UGT2B11: variants seen among roughly 807,000 people sequenced by gnomAD.
UGT2B11 encodes UDP-glucuronosyltransferase 2B11.
A neutral mutation model predicts 51.7 loss-of-function variants in UGT2B11; 49 were observed. That is an observed-to-expected ratio of 0.95 (90% CI 0.75 to 1.20). The LOEUF (loss-of-function observed/expected upper bound fraction) is 1.20. UGT2B11 is among the 50% of genes most tolerant of loss of function. The pLI is 0.00. For missense variants in UGT2B11, 810 were observed against 622.1 expected, an observed-to-expected ratio of 1.30 and a Z score of -3.21; for synonymous variants, 273 against 209.0, an observed-to-expected ratio of 1.31 and a Z score of -2.64.
In UGT2B11 at chr4:69,206,244, A is replaced by G. The variant is rs1314148992; in HGVS notation, c.1003-677T>C. 2.6e-5 allele frequency among the ~76,000 whole-genome samples: 4 copies of G among 151,784 alleles called. No individual in the cohort carries two copies. The East Asian group carries it at 7.8e-4, about 30-fold the overall frequency. On this transcript the variant is annotated intron_variant, in intron 3 of 5. Coordinates refer to ENST00000446444, the MANE Select transcript of UGT2B11 (RefSeq NM_001073.3). The stretch of plus-strand genomic sequence containing the variant: ...CAACCTAAATGACCATCAATTATGG[A>G]ATGAATAAAGAAAATATGGCATATA...
At chr4:69,204,818 AG>A (rs1560536897) in intron 4 of UGT2B11, among the ~76,000 whole-genome samples, 169 bp from the exon 5 acceptor site, 2 of 151,746 alleles carry the variant, frequency 1.3e-5, no homozygotes, top group East Asian at 3.9e-4. Context: ...TGTAACTGAA[AG>A]CTATGTGGTG....
intron 3 of UGT2B11, among the ~76,000 whole-genome samples, chr4:69,207,282 T>C (rs1359611672): frequency 6.6e-6 from 1 of 151,634 alleles, no homozygotes; most frequent in Non-Finnish European, 1.5e-5. Context: ...TCCAAAGCAA[T>C]CCTCACAAAC....
upstream of UGT2B11, chr4:69,214,861 G>C (rs1722216680): frequency 1.5e-6 from 2 of 1,350,990 alleles, no homozygotes; most frequent in Non-Finnish European, 2.0e-6. Flanking sequence ...TACATGGATG[G>C]CAAGGAGACA....
At chr4:69,214,941 A>G, upstream of UGT2B11, 1 of 709,834 alleles carries the variant, frequency 1.4e-6, no homozygotes, top group Non-Finnish European at 2.1e-6. Context: ...ATTCACTGTC[A>G]TCCACCTAAG....
chr4:69,217,495 C>T (rs531219696), upstream of UGT2B11, among the ~76,000 whole-genome samples: 5 of 152,034 alleles, frequency 3.3e-5, no homozygotes, highest in Non-Finnish European at 7.4e-5. Flanking sequence ...TGGGAATATA[C>T]AAATTACTTT....
upstream of UGT2B11, chr4:69,215,051 A>T: frequency 4.4e-6 from 1 of 226,178 alleles, no homozygotes; most frequent in Admixed American, 5.1e-5. Flanking sequence ...TTGACACAGA[A>T]TAAGAGATGA....
At chr4:69,223,555 G>T in the UGT2B11 span, among the ~76,000 whole-genome samples, 5 of 152,190 alleles carry the variant, frequency 3.3e-5, no homozygotes, top group African/African-American at 7.2e-5. Context: ...ACCTGTTCCA[G>T]GGTGGCAAGG....
At chr4:69,217,414 G>A (rs1048557047), upstream of UGT2B11, among the ~76,000 whole-genome samples, 5 of 152,104 alleles carry the variant, frequency 3.3e-5, no homozygotes, top group African/African-American at 1.2e-4. Flanking sequence ...ATTGCCTGCA[G>A]AGTGGCAATA....
intron 3 of UGT2B11, among the ~76,000 whole-genome samples, chr4:69,206,432 G>A (rs1190823500): frequency 3.3e-5 from 5 of 151,552 alleles, no homozygotes; most frequent in Non-Finnish European, 7.4e-5. Context: ...ATGAGAACAC[G>A]TGGACACATA....
intron 2 of UGT2B11, among the ~76,000 whole-genome samples, chr4:69,210,634 T>A (rs941086743): frequency 1.3e-5 from 2 of 151,544 alleles, no homozygotes; most frequent in Non-Finnish European, 3.0e-5. Context: ...CAATTTGCAC[T>A]GTCAGTTTCC....
intron 2 of UGT2B11, 114 bp from the exon 3 acceptor site, chr4:69,208,596 A>T: frequency 1.3e-6 from 2 of 1,511,244 alleles, no homozygotes; most frequent in East Asian, 2.3e-5. Flanking sequence ...GAATTATTGG[A>T]ATTAATAATA....
chr4:69,214,861 G>A (rs1722216680), upstream of UGT2B11: 1 of 1,350,870 alleles, frequency 7.4e-7, no homozygotes, highest in Admixed American at 2.4e-5. Context: ...TACATGGATG[G>A]CAAGGAGACA....
chr4:69,203,617 G>C (rs1037654376), intron 5 of UGT2B11, among the ~76,000 whole-genome samples: 3 of 151,522 alleles, frequency 2.0e-5, no homozygotes, highest in African/African-American at 7.3e-5. Flanking sequence ...ACTAAATTAT[G>C]ACATATCCAT....
chr4:69,210,134 C>T (rs1160966043), intron 2 of UGT2B11, among the ~76,000 whole-genome samples: 1 of 151,444 alleles, frequency 6.6e-6, no homozygotes. Flanking sequence ...TTCCAACTCA[C>T]TTTATTTGTA....
upstream of UGT2B11, among the ~76,000 whole-genome samples, chr4:69,217,241 T>G (rs1722297593): frequency 6.6e-6 from 1 of 152,134 alleles, no homozygotes; most frequent in Non-Finnish European, 1.5e-5. Context: ...TAATTTGTAC[T>G]TTTAAAAAGT....
intron 5 of UGT2B11, among the ~76,000 whole-genome samples, chr4:69,201,975 C>A (rs545045480): frequency 6.6e-6 from 1 of 151,718 alleles, no homozygotes; most frequent in Non-Finnish European, 1.5e-5. Context: ...TTTTTCTGAA[C>A]CTTTTAGTGA....
chr4:69,202,866 G>C (rs1036385621), intron 5 of UGT2B11, among the ~76,000 whole-genome samples: 7 of 151,216 alleles, frequency 4.6e-5, no homozygotes, highest in Admixed American at 2.0e-4. Context: ...ATTTTCTTTG[G>C]GATAAAGTAT....
chr4:69,211,815 A>G (rs1403416329), intron 2 of UGT2B11, among the ~76,000 whole-genome samples: 1 of 151,468 alleles, frequency 6.6e-6, no homozygotes, highest in African/African-American at 2.4e-5. Context: ...AAAAAAGAGA[A>G]TCGTTTCATA....
rs1246076192 is a variant in UGT2B11 at position 69,204,604 on chromosome 4, C to T, written c.1136G>A (p.Gly379Asp). 9 of 1,611,942 alleles carry T rather than the reference C, an allele frequency of 5.6e-6. No individual in the cohort carries two copies. Among genetic ancestry groups the T allele is most frequent in the South Asian group, 4.4e-5 (4 of 91,034 alleles). ...RAFITHGGAN[G>D]IYEAIYHGIP... ...CCCATGGTAGATTGCCTCATAGATG[C>T]CATTGGCTCCACCATGAGTTATAAA... is the stretch of plus-strand genomic sequence containing the variant. The change falls in exon 5 of 6, where the codon GGC becomes GAC. Residue 379 changes from glycine to aspartate, a missense_variant. Coordinates refer to ENST00000446444, the MANE Select transcript of UGT2B11 (RefSeq NM_001073.3).
Sources: gnomAD v4.1 joint callset for allele counts (sites outside exome capture counted in the v4.1 genomes callset) on GRCh38, gnomAD v4.1.1 for gene constraint, MANE v1.5 for transcripts, NCBI Gene and HGNC (gene_info 2026-07-23, HGNC 2026-07-21) for gene names.